Variants in AGBL1 observed in about 807,000 individuals in gnomAD.
AGBL1 encodes cytosolic carboxypeptidase 4.
In AGBL1, 130 loss-of-function variants were observed where a neutral mutation model predicts 118.9. That is an observed-to-expected ratio of 1.09 (90% confidence interval 0.95 to 1.26). The LOEUF is 1.26. Among genes scored for constraint, AGBL1 ranks in the 50% most tolerant of loss-of-function variants. AGBL1 has a pLI of 0.00. For synonymous variants in AGBL1, 555 were observed against 478.9 expected (o/e 1.16, Z -2.08); for missense variants, 1,584 against 1,298.1 (o/e 1.22, Z -3.38).
At chr15:86,533,965 G>C (rs1228249310) in intron 19 of AGBL1, among the ~76,000 whole-genome samples, 1 of 91,960 alleles carries the variant, frequency 1.1e-5, no homozygotes, top group African/African-American at 4.3e-5. Context: ...ACTGTGGTGG[G>C]GTGGGGGGAG....
chr15:86,339,131 T>G (rs919470718), intron 17 of AGBL1, among the ~76,000 whole-genome samples: 3 of 152,194 alleles, frequency 2.0e-5, no homozygotes, highest in Non-Finnish European at 4.4e-5. Context: ...GATACGGAAT[T>G]CTGGGATGAA....
At chr15:86,192,940 T>C (rs959992841) in intron 5 of AGBL1, among the ~76,000 whole-genome samples, 2 of 152,188 alleles carry the variant, frequency 1.3e-5, no homozygotes, top group African/African-American at 2.4e-5. Flanking sequence ...TTTATTTCTA[T>C]TGAAAGCACA....
intron 24 of AGBL1, among the ~76,000 whole-genome samples, chr15:86,997,592 T>A (rs554395094): frequency 5.2e-4 from 79 of 152,274 alleles, no homozygotes; most frequent in Non-Finnish European, 1.1e-3. Context: ...GATGGATCAC[T>A]TGATAGACTG....
At chr15:86,858,465 T>G (rs1040839114) in intron 22 of AGBL1, among the ~76,000 whole-genome samples, 2 of 137,494 alleles carry the variant, frequency 1.5e-5, no homozygotes, top group Non-Finnish European at 3.2e-5. Flanking sequence ...TTTCAGGTGG[T>G]GTGTGTGTGT....
chr15:86,946,857 A>C (rs1214151516), intron 23 of AGBL1, among the ~76,000 whole-genome samples: 3 of 151,498 alleles, frequency 2.0e-5, no homozygotes, highest in African/African-American at 4.8e-5. Context: ...AAAAAAAAAA[A>C]AAAACAAAAT....
At chr15:86,112,310 C>T (rs1469538603) in intron 1 of AGBL1, among the ~76,000 whole-genome samples, 1 of 151,874 alleles carries the variant, frequency 6.6e-6, no homozygotes, top group African/African-American at 2.4e-5. Flanking sequence ...GGGCGTTTGT[C>T]ATTCCACATC....
At chr15:86,111,914 G>A (rs1178151008) in intron 1 of AGBL1, among the ~76,000 whole-genome samples, 2 of 152,148 alleles carry the variant, frequency 1.3e-5, no homozygotes, top group Non-Finnish European at 2.9e-5. Flanking sequence ...CAGATCAGCA[G>A]TGGCATTAGA....
At chr15:86,499,179 A>G (rs2082888771) in intron 18 of AGBL1, among the ~76,000 whole-genome samples, 1 of 151,922 alleles carries the variant, frequency 6.6e-6, no homozygotes, top group Non-Finnish European at 1.5e-5. Context: ...TAGTAAAAAT[A>G]TTATAGTTAG....
intron 11 of AGBL1, among the ~76,000 whole-genome samples, chr15:86,265,990 C>T (rs1167774083): frequency 3.3e-5 from 5 of 152,184 alleles, no homozygotes; most frequent in African/African-American, 4.8e-5. Context: ...CTTGAAGATG[C>T]TAGCAGCTAA....
At chr15:86,376,595 T>G (rs1156933864) in intron 17 of AGBL1, among the ~76,000 whole-genome samples, 5 of 152,342 alleles carry the variant, frequency 3.3e-5, no homozygotes, top group African/African-American at 1.2e-4. Context: ...CATCCAGTCC[T>G]TGTATGGAGT....
intron 6 of AGBL1, among the ~76,000 whole-genome samples, chr15:86,241,221 T>C (rs993036474): frequency 1.4e-4 from 22 of 152,198 alleles, no homozygotes; most frequent in African/African-American, 5.1e-4. Context: ...TAAATTTTAC[T>C]TATTTTGAAA....
intron 23 of AGBL1, among the ~76,000 whole-genome samples, chr15:86,941,824 A>G (rs2141655390): frequency 6.6e-6 from 1 of 152,356 alleles, no homozygotes; most frequent in African/African-American, 2.4e-5. Context: ...ACACTACAGG[A>G]GCAGGCCCAG....
At chr15:86,355,311 C>A (rs1311120865) in intron 17 of AGBL1, among the ~76,000 whole-genome samples, 1 of 152,100 alleles carries the variant, frequency 6.6e-6, no homozygotes, top group Non-Finnish European at 1.5e-5. Context: ...TATCATACAC[C>A]ATATAACATA....
At chr15:86,608,529 G>T (rs775832115) in intron 21 of AGBL1, among the ~76,000 whole-genome samples, 8 of 152,134 alleles carry the variant, frequency 5.3e-5, no homozygotes, top group Non-Finnish European at 8.8e-5. Context: ...TAAAATGCTT[G>T]GGTCCTGAGA....
rs1028738780 is a variant in AGBL1 at position 86,080,038 on chromosome 15, A to G, written c.51+15A>G. 244 of 1,231,984 alleles carry G rather than the reference A, an allele frequency of 2.0e-4. No homozygotes were observed. The highest frequency in any genetic ancestry group is 2.3e-4 in the Non-Finnish European group (227 of 987,996). 76.3% of individuals were successfully genotyped at this position (1,231,984 alleles called of 1,614,324 possible). On this transcript the variant is annotated intron_variant, in intron 1 of 22. Transcript: ENST00000614907. ...ACACGCTTCAGGTAGGAAAGGGTAG[A>G]GTGGGTGCAGAACCCGGCGGGCTGG...
chr15:86,224,845 C>A, intron 5 of AGBL1, 69 bp from the exon 6 acceptor site: 12 of 1,511,092 alleles, frequency 7.9e-6, no homozygotes, highest in Non-Finnish European at 1.1e-5. Flanking sequence ...GGCATGCTGG[C>A]TGTGGGATCC....
intron 17 of AGBL1, among the ~76,000 whole-genome samples, chr15:86,335,715 A>T (rs540488605): frequency 6.6e-6 from 1 of 152,226 alleles, no homozygotes; most frequent in African/African-American, 2.4e-5. Flanking sequence ...AGGTGTTGTT[A>T]TAAGAAAGTT....
rs74661618 is a variant in AGBL1, at chr15:86,609,878, T to G, written c.2994+55341T>G. On this transcript the variant is annotated intron_variant, in intron 21 of 22. Coordinates refer to ENST00000614907, the MANE Select transcript of AGBL1 (RefSeq NM_001386094.1). ...ATTAAATGCCAACCATATGCTGGGG[T>G]TTTGTGTTCTGTTTAACAGACCCTA... 4.8e-3 allele frequency among the ~76,000 whole-genome samples: 737 copies of G among 152,212 alleles called. 10 individuals carry two copies. The highest frequency in any genetic ancestry group is 0.017 in the African/African-American group (688 of 41,526).
intron 17 of AGBL1, among the ~76,000 whole-genome samples, chr15:86,325,008 CAG>C (rs1674275798): frequency 6.6e-6 from 1 of 152,138 alleles, no homozygotes; most frequent in South Asian, 2.1e-4. Flanking sequence ...GAGAGGTAGA[CAG>C]GGGACAGATC....
Sources: allele counts gnomAD v4.1 joint callset (sites outside exome capture counted in the v4.1 genomes callset), GRCh38; gene constraint gnomAD v4.1.1; transcripts MANE v1.5; gene names NCBI Gene and HGNC (gene_info 2026-07-23, HGNC 2026-07-21).